The following FHIT variants were observed in gnomAD, a reference collection of about 807,000 sequenced individuals.
FHIT encodes the protein fragile histidine triad diadenosine triphosphatase, also known as bis(5'-adenosyl)-triphosphatase.
FHIT carries 19 observed loss-of-function variants against 17.9 expected under a neutral mutation model. The ratio of observed to expected loss-of-function variants is 1.06; its 90% CI spans 0.74 to 1.56. The LOEUF (loss-of-function observed/expected upper bound fraction) is 1.56, where lower values mean the gene tolerates loss of function less well. Ranked by LOEUF, FHIT falls within the 40% of genes most tolerant of loss-of-function variation. The probability of loss-of-function intolerance (pLI) is 0.00; values close to 1 mark genes in which losing one functional copy is unlikely to be tolerated. For synonymous variants in FHIT, 81 were observed against 69.7 expected (o/e 1.16, Z -0.81); for missense variants, 248 against 189.2 (o/e 1.31, Z -1.82).
At chr3:60,984,412 C>T (rs1191157935) in intron 3 of FHIT, among the ~76,000 whole-genome samples, 1 of 152,224 alleles carries the variant, frequency 6.6e-6, no homozygotes, top group Non-Finnish European at 1.5e-5. Flanking sequence ...TACCAATACA[C>T]CCACCCAAAT....
intron 5 of FHIT, among the ~76,000 whole-genome samples, chr3:60,242,621 A>G (rs1705190082): frequency 6.6e-6 from 1 of 151,914 alleles, no homozygotes; most frequent in South Asian, 2.1e-4. Context: ...ATACCTCTTC[A>G]CCTCTTCCCA....
At chr3:60,605,111 C>CAGAGAGAG (rs140136950) in intron 4 of FHIT, among the ~76,000 whole-genome samples, 2 of 150,108 alleles carry the variant, frequency 1.3e-5, no homozygotes, top group African/African-American at 2.4e-5. Context: ...CACACACACA[C>CAGAGAGAG]AGAGAGAGAG....
At chr3:61,224,694 G>A (rs2039925164) in intron 1 of FHIT, among the ~76,000 whole-genome samples, 1 of 152,174 alleles carries the variant, frequency 6.6e-6, no homozygotes, top group East Asian at 1.9e-4. Context: ...ACAGGCATGA[G>A]CCACCACATC....
At chr3:60,954,252 T>C (rs995485727) in intron 3 of FHIT, among the ~76,000 whole-genome samples, 1 of 152,210 alleles carries the variant, frequency 6.6e-6, no homozygotes, top group Non-Finnish European at 1.5e-5. Flanking sequence ...CCCCAGTTAT[T>C]TATATACTAT....
chr3:60,767,011 A>G (rs1193002688), intron 4 of FHIT, among the ~76,000 whole-genome samples: 1 of 152,212 alleles, frequency 6.6e-6, no homozygotes, highest in Admixed American at 6.5e-5. Flanking sequence ...AAATGATTAT[A>G]TAAACTTCAG....
At chr3:60,761,172 T>C (rs529217246) in intron 4 of FHIT, among the ~76,000 whole-genome samples, 10 of 152,264 alleles carry the variant, frequency 6.6e-5, no homozygotes, top group Admixed American at 5.9e-4. Flanking sequence ...TGTAATGCAA[T>C]AACCAGCAAG....
chr3:60,184,736 T>C (rs1361319452), intron 5 of FHIT, among the ~76,000 whole-genome samples: 1 of 152,218 alleles, frequency 6.6e-6, no homozygotes, highest in African/African-American at 2.4e-5. Context: ...TCCAGCTCCT[T>C]GCAGTATTTA....
intron 3 of FHIT, among the ~76,000 whole-genome samples, chr3:60,882,234 T>A (rs1384079991): frequency 1.3e-5 from 2 of 152,120 alleles, no homozygotes; most frequent in Non-Finnish European, 2.9e-5. Context: ...TCAATAATTT[T>A]AAAAATGTTC....
intron 5 of FHIT, among the ~76,000 whole-genome samples, chr3:60,172,033 C>T (rs1480952973): frequency 6.6e-6 from 1 of 152,100 alleles, no homozygotes; most frequent in Admixed American, 6.5e-5. Context: ...GAACAAAAAT[C>T]CAAACAGCCC....
chr3:60,083,395 T>A (rs1015149967), intron 5 of FHIT, among the ~76,000 whole-genome samples: 1 of 152,166 alleles, frequency 6.6e-6, no homozygotes, highest in Non-Finnish European at 1.5e-5. Flanking sequence ...ACATGATACC[T>A]CTGGCTGTCT....
intron 5 of FHIT, among the ~76,000 whole-genome samples, chr3:60,370,396 A>G (rs142794866): frequency 9.9e-4 from 151 of 152,254 alleles, no homozygotes; most frequent in African/African-American, 3.6e-3. Context: ...GCCCAATAAA[A>G]TTATCTCCTC....
At chr3:59,865,008 C>CACATTCAG (rs1702579616) in intron 8 of FHIT, among the ~76,000 whole-genome samples, 1 of 152,102 alleles carries the variant, frequency 6.6e-6, no homozygotes, top group African/African-American at 2.4e-5. Context: ...ATTAATGATC[C>CACATTCAG]ACATTCAGCC....
chr3:61,187,725 A>C (rs962122569), intron 2 of FHIT, among the ~76,000 whole-genome samples: 3 of 152,232 alleles, frequency 2.0e-5, no homozygotes, highest in Non-Finnish European at 4.4e-5. Flanking sequence ...AATTAGAAGA[A>C]ACTGTCTCTC....
At chr3:59,789,905 A>G (rs1699477940) in intron 8 of FHIT, among the ~76,000 whole-genome samples, 1 of 152,178 alleles carries the variant, frequency 6.6e-6, no homozygotes, top group South Asian at 2.1e-4. Flanking sequence ...TGAATAAAGA[A>G]TCGAAGCCAC....
At chr3:60,383,661 A>T (rs1347477654) in intron 5 of FHIT, among the ~76,000 whole-genome samples, 1 of 152,074 alleles carries the variant, frequency 6.6e-6, no homozygotes, top group Admixed American at 6.6e-5. Context: ...AGCTACTGAA[A>T]AAAAAAAATC....
intron 4 of FHIT, among the ~76,000 whole-genome samples, chr3:60,750,392 T>A (rs2042442021): frequency 6.6e-6 from 1 of 152,094 alleles, no homozygotes; most frequent in South Asian, 2.1e-4. Flanking sequence ...TCCACCCAAA[T>A]CTTATCTTGA....
At chr3:60,635,890 A>G (rs1553683715) in intron 4 of FHIT, among the ~76,000 whole-genome samples, 1 of 152,166 alleles carries the variant, frequency 6.6e-6, no homozygotes. Context: ...TTTTTAAAAA[A>G]GAATACTTTA....
chr3:59,775,170 G>T (rs1364148005), intron 8 of FHIT, among the ~76,000 whole-genome samples: 1 of 152,178 alleles, frequency 6.6e-6, no homozygotes, highest in Non-Finnish European at 1.5e-5. Context: ...TTCCAGAGCT[G>T]ATGATTTCTA....
At chr3:60,828,171 T>C (rs1001504992) in intron 3 of FHIT, among the ~76,000 whole-genome samples, 3 of 152,220 alleles carry the variant, frequency 2.0e-5, no homozygotes, top group Non-Finnish European at 4.4e-5. Context: ...TGAGATAATT[T>C]ATGTAAAGAA....
Sources: allele counts gnomAD v4.1 joint callset (sites outside exome capture counted in the v4.1 genomes callset), GRCh38; gene constraint gnomAD v4.1.1; transcripts MANE v1.5; gene names NCBI Gene and HGNC (gene_info 2026-07-23, HGNC 2026-07-21).